NTRK3: variants seen among roughly 807,000 people sequenced by gnomAD.
NTRK3 encodes the protein NT-3 growth factor receptor.
In NTRK3, 24 loss-of-function variants were observed where a neutral mutation model predicts 91.7. The ratio of observed to expected loss-of-function variants is 0.26; its 90% CI spans 0.19 to 0.37. The LOEUF (loss-of-function observed/expected upper bound fraction) is 0.37. NTRK3 is among the 10% of genes least tolerant of loss of function. The pLI is 1.00. For missense variants in NTRK3, 880 were observed against 1,068.9 expected (o/e 0.82, Z 2.46); for synonymous variants, 483 against 404.0 (o/e 1.20, Z -2.34).
intron 13 of NTRK3, among the ~76,000 whole-genome samples, chr15:88,116,833 A>T (rs556014741): frequency 1.3e-5 from 2 of 152,234 alleles, no homozygotes; most frequent in Non-Finnish European, 2.9e-5. Flanking sequence ...AAACCCCAGC[A>T]ATCATTCAGG....
chr15:88,080,298 C>A (rs529405191), intron 13 of NTRK3, among the ~76,000 whole-genome samples: 6 of 152,294 alleles, frequency 3.9e-5, no homozygotes, highest in African/African-American at 1.4e-4. Context: ...AACAAGCCCT[C>A]TGGTAAAGTT....
chr15:88,184,273 T>C (rs1166039282), exon 4 of NTRK3: 2 of 1,606,986 alleles, frequency 1.2e-6, no homozygotes, highest in Admixed American at 1.7e-5. Context: ...GTTGAGCGTG[T>C]GAAGACTGCG....
intron 14 of NTRK3, among the ~76,000 whole-genome samples, chr15:87,999,581 G>A (rs1479055033): frequency 2.6e-5 from 4 of 151,976 alleles, no homozygotes; most frequent in East Asian, 1.9e-4. Flanking sequence ...CCCATGCATC[G>A]AGCCATGTAG....
At chr15:88,248,773 G>T (rs1339592606) in intron 3 of NTRK3, among the ~76,000 whole-genome samples, 1 of 152,152 alleles carries the variant, frequency 6.6e-6, no homozygotes. Context: ...GCCTTAGAGT[G>T]CTTGGCACAG....
rs540325233 is a variant in NTRK3, at chr15:88,025,898, G to T, written c.1585+6959C>A. Among the ~76,000 whole-genome samples, 13 of 152,306 alleles carry T rather than the reference G, an allele frequency of 8.5e-5. No individual in the cohort carries two copies. In the South Asian group the frequency reaches 1.7e-3, roughly 19 times the overall value. ...CGCTTGAACCCGAGAGGTGGAGGCT[G>T]CAGTGAGCTGGGATTGAGCCATCGC... On this transcript the variant is annotated intron_variant, in intron 14 of 18. Coordinates refer to ENST00000394480, the Ensembl canonical transcript of NTRK3.
intron 17 of NTRK3, among the ~76,000 whole-genome samples, chr15:87,893,193 C>T (rs1041328705): frequency 6.6e-6 from 1 of 152,080 alleles, no homozygotes; most frequent in Non-Finnish European, 1.5e-5. Context: ...AAGGCTGTAT[C>T]GTACCCCTCC....
intron 14 of NTRK3, among the ~76,000 whole-genome samples, chr15:87,982,974 GACCTCTCCT>G (rs1441988956): frequency 6.6e-6 from 1 of 152,170 alleles, no homozygotes; most frequent in Admixed American, 6.5e-5. Flanking sequence ...GATTCTCACA[GACCTCTCCT>G]TCTCCTTCTG....
intron 3 of NTRK3, among the ~76,000 whole-genome samples, chr15:88,195,658 T>C (rs114916613): frequency 2.6e-4 from 39 of 152,344 alleles, no homozygotes; most frequent in African/African-American, 7.9e-4. Context: ...AAACCTCTGA[T>C]CCTTACTAGG....
At chr15:88,217,908 G>C (rs973670886) in intron 3 of NTRK3, among the ~76,000 whole-genome samples, 1 of 152,048 alleles carries the variant, frequency 6.6e-6, no homozygotes, top group Non-Finnish European at 1.5e-5. Context: ...ACAGGCGCCC[G>C]CCACCGCGTC....
At chr15:88,144,517 G>T (rs143347465) in intron 6 of NTRK3, among the ~76,000 whole-genome samples, 4 of 152,142 alleles carry the variant, frequency 2.6e-5, no homozygotes, top group Admixed American at 1.3e-4. Flanking sequence ...TGGAAGGAGA[G>T]GCCGAGCATG....
intron 14 of NTRK3, among the ~76,000 whole-genome samples, chr15:87,982,929 G>A (rs2074416040): frequency 6.6e-6 from 1 of 151,820 alleles, no homozygotes; most frequent in African/African-American, 2.4e-5. Flanking sequence ...GGTATTCCCT[G>A]CATCTTCTGC....
intron 15 of NTRK3, among the ~76,000 whole-genome samples, chr15:87,940,333 G>A (rs1486504659): frequency 6.6e-6 from 1 of 152,200 alleles, no homozygotes; most frequent in African/African-American, 2.4e-5. Flanking sequence ...GGAGGGCCAG[G>A]CCTGGGACAG....
rs934376488 is a variant in NTRK3, at chr15:88,235,285, G to A, written c.248+20621C>T. ...AACATGAATGAGTAAGGCCTGTGTC[G>A]CTGTCTACCCTACCCACAATAGCCT... On this transcript the variant is annotated intron_variant, in intron 3 of 18. Coordinates refer to ENST00000394480, the Ensembl canonical transcript of NTRK3. The surrounding 1 kb of genome is among the most constrained non-coding windows in gnomAD (Gnocchi z 5.2). Among the ~76,000 whole-genome samples the A allele has an allele frequency of 5.9e-5, 9 of 152,110 alleles. No individual in the cohort carries two copies. The highest frequency in any genetic ancestry group is 1.4e-4 in the African/African-American group (6 of 41,416).
chr15:88,127,018 A>C (rs1242483661), intron 12 of NTRK3, 144 bp downstream of exon 12: 1 of 761,300 alleles, frequency 1.3e-6, no homozygotes, highest in Non-Finnish European at 2.3e-6. Context: ...AGGAAGGTTT[A>C]AACTGCCTGA....
chr15:88,083,845 A>G (rs2048270123), intron 13 of NTRK3, among the ~76,000 whole-genome samples: 1 of 152,202 alleles, frequency 6.6e-6, no homozygotes, highest in African/African-American at 2.4e-5. Context: ...CTTGGCTCCA[A>G]GCCCTATTAT....
At chr15:88,194,930 T>C (rs1000811808) in intron 3 of NTRK3, among the ~76,000 whole-genome samples, 1 of 152,230 alleles carries the variant, frequency 6.6e-6, no homozygotes, top group Non-Finnish European at 1.5e-5. Context: ...AGGATTCTTT[T>C]GAAATGTCAC....
At chr15:88,044,100 C>A (rs1361719428) in intron 13 of NTRK3, among the ~76,000 whole-genome samples, 2 of 152,086 alleles carry the variant, frequency 1.3e-5, no homozygotes, top group Non-Finnish European at 2.9e-5. Context: ...CTTGTTGGCA[C>A]TGTACTGGGC....
intron 14 of NTRK3, among the ~76,000 whole-genome samples, chr15:88,000,316 G>C (rs1296976720): frequency 6.6e-6 from 1 of 152,170 alleles, no homozygotes; most frequent in East Asian, 1.9e-4. Flanking sequence ...TCTCACAATC[G>C]AACAAGGAGC....
chr15:88,068,706 G>C (rs2349586), intron 13 of NTRK3, among the ~76,000 whole-genome samples: 1 of 151,900 alleles, frequency 6.6e-6, no homozygotes, highest in Non-Finnish European at 1.5e-5. Context: ...ACTTAGCATG[G>C]GCCCGTGGCT....
Sources: gnomAD v4.1 joint callset for allele counts (sites outside exome capture counted in the v4.1 genomes callset) on GRCh38, gnomAD v4.1.1 for gene constraint, Gnocchi (gnomAD v3.1) non-coding constraint, MANE v1.5 for transcripts, NCBI Gene and HGNC (gene_info 2026-07-23, HGNC 2026-07-21) for gene names.